The following APLP2 variants were observed in gnomAD, a reference collection of about 807,000 sequenced individuals.
APLP2 encodes amyloid beta precursor like protein 2, also known as CDEI box-binding protein.
A neutral mutation model predicts 89.9 loss-of-function variants in APLP2; 53 were observed. The ratio of observed to expected loss-of-function variants is 0.59; its 90% CI spans 0.47 to 0.74. The LOEUF is 0.74. APLP2 is among the 30% of genes least tolerant of loss of function. The pLI is 0.00. For synonymous variants in APLP2, 372 were observed against 348.6 expected (o/e 1.07, Z -0.75); for missense variants, 973 against 975.9 (o/e 1.00, Z 0.04).
intron 1 of APLP2, chr11:130,082,874 T>G (rs1943425607): frequency 6.5e-6 from 1 of 153,740 alleles, no homozygotes. Flanking sequence ...GTTTTCTTAC[T>G]GATTTATAGT....
intron 11 of APLP2, among the ~76,000 whole-genome samples, chr11:130,131,420 T>C (rs991825043): frequency 6.6e-6 from 1 of 152,132 alleles, no homozygotes; most frequent in African/African-American, 2.4e-5. Context: ...TTCTTAGATA[T>C]ACAGAGTTCA....
intron 1 of APLP2, among the ~76,000 whole-genome samples, chr11:130,083,035 T>C (rs1157786607): frequency 1.5e-5 from 2 of 131,508 alleles, no homozygotes; most frequent in Non-Finnish European, 3.2e-5. Context: ...TCTTTTTTTT[T>C]TTTTTTTTTT....
chr11:130,091,713 CG>C (rs1219604961), intron 1 of APLP2, among the ~76,000 whole-genome samples: 10 of 123,478 alleles, frequency 8.1e-5, no homozygotes, highest in Admixed American at 3.0e-4. Flanking sequence ...GCTGGCCGGG[CG>C]GGGGGCTGAC....
intron 1 of APLP2, among the ~76,000 whole-genome samples, chr11:130,092,921 A>C (rs574026761): frequency 7.3e-4 from 111 of 152,290 alleles, no homozygotes; most frequent in Admixed American, 1.6e-3. Flanking sequence ...CCTCATTTGC[A>C]GAGCAAACTC....
intron 1 of APLP2, among the ~76,000 whole-genome samples, chr11:130,092,722 A>AGGTGGAGGGGGAGG (rs1945584445): frequency 1.0e-5 from 1 of 99,012 alleles, no homozygotes. Flanking sequence ...GGGGAGGGGG[A>AGGTGGAGGGGGAGG]GGGAGAGGGA....
intron 1 of APLP2, among the ~76,000 whole-genome samples, chr11:130,093,014 T>C (rs147620231): frequency 2.0e-5 from 3 of 152,190 alleles, no homozygotes; most frequent in African/African-American, 7.2e-5. Context: ...ATGTGAGCAT[T>C]TAGCCCCCTG....
At position 130,126,916 on chromosome 11, in the gene APLP2, C is replaced by A. The variant is rs1039820607; in HGVS notation, c.1221+86C>A. The A allele has an allele frequency of 2.6e-6, 4 of 1,568,042 alleles. No homozygotes were observed. The African/African-American group carries it at 5.4e-5, about 21-fold the overall frequency. On this transcript the variant is annotated intron_variant, in intron 8 of 16. Transcript: ENST00000338167. The stretch of plus-strand genomic sequence containing the variant: ...AGCTGAAGAAAAGTAATAGCTTCTC[C>A]CTAGATTGTCATGCTGATGTATAAG...
intron 1 of APLP2, among the ~76,000 whole-genome samples, chr11:130,095,544 G>T (rs887107987): frequency 2.5e-4 from 38 of 152,316 alleles, no homozygotes; most frequent in Non-Finnish European, 3.1e-4. Flanking sequence ...AGAGCAGGTG[G>T]AAGGCCTGAT....
intron 3 of APLP2, among the ~76,000 whole-genome samples, chr11:130,116,614 G>A (rs1357559484): frequency 6.6e-6 from 1 of 151,974 alleles, no homozygotes; most frequent in Non-Finnish European, 1.5e-5. Flanking sequence ...GAGATTACAG[G>A]CATTCGCCAC....
intron 7 of APLP2, among the ~76,000 whole-genome samples, chr11:130,124,161 C>CTGAA (rs1284225129): frequency 2.6e-5 from 4 of 152,186 alleles, no homozygotes; most frequent in Non-Finnish European, 4.4e-5. Flanking sequence ...CTTAGAGGCA[C>CTGAA]TGAACATTCC....
intron 7 of APLP2, among the ~76,000 whole-genome samples, chr11:130,124,002 G>A (rs1255434731): frequency 6.6e-6 from 1 of 152,178 alleles, no homozygotes; most frequent in African/African-American, 2.4e-5. Flanking sequence ...GTGTCTGGTG[G>A]TGCTTGGTGG....
At chr11:130,137,359 T>G in intron 13 of APLP2, 1 of 1,412,466 alleles carries the variant, frequency 7.1e-7, no homozygotes, top group Non-Finnish European at 1.0e-6. Flanking sequence ...GTCCGAAGCT[T>G]CATGTTCTGT....
intron 1 of APLP2, among the ~76,000 whole-genome samples, chr11:130,102,683 A>G (rs1198612553): frequency 6.6e-6 from 1 of 152,176 alleles, no homozygotes; most frequent in Non-Finnish European, 1.5e-5. Flanking sequence ...GCATCACTTG[A>G]GGTGATTAAA....
chr11:130,076,653 C>A (rs1346605255), intron 1 of APLP2, among the ~76,000 whole-genome samples: 2 of 152,160 alleles, frequency 1.3e-5, no homozygotes, highest in African/African-American at 4.8e-5. Context: ...CTTAATTGAG[C>A]TGTCCCCACC....
At chr11:130,089,475 C>T (rs1305218144) in intron 1 of APLP2, among the ~76,000 whole-genome samples, 1 of 152,194 alleles carries the variant, frequency 6.6e-6, no homozygotes, top group Admixed American at 6.5e-5. Flanking sequence ...CTCACTGTCT[C>T]CATGTCCTCA....
At chr11:130,117,705 C>G (rs930706252) in intron 3 of APLP2, among the ~76,000 whole-genome samples, 1 of 152,148 alleles carries the variant, frequency 6.6e-6, no homozygotes, top group Admixed American at 6.5e-5. Flanking sequence ...CATACTGTAC[C>G]TGACCTTTTA....
intron 1 of APLP2, among the ~76,000 whole-genome samples, chr11:130,108,047 C>A (rs1948030524): frequency 2.0e-5 from 3 of 152,182 alleles, no homozygotes; most frequent in Admixed American, 2.0e-4. Context: ...TTCCTTACAC[C>A]TTATACAAAA....
At chr11:130,098,523 T>C (rs1369313509) in intron 1 of APLP2, among the ~76,000 whole-genome samples, 2 of 152,232 alleles carry the variant, frequency 1.3e-5, no homozygotes, top group Admixed American at 1.3e-4. Flanking sequence ...TGGTTATTCA[T>C]GTTTGTGGTT....
At chr11:130,078,099 T>C (rs1334889017) in intron 1 of APLP2, among the ~76,000 whole-genome samples, 1 of 152,214 alleles carries the variant, frequency 6.6e-6, no homozygotes, top group Non-Finnish European at 1.5e-5. Flanking sequence ...GTATCACTTT[T>C]TGTATTTCCT....
Sources: gnomAD v4.1 joint callset for allele counts (sites outside exome capture counted in the v4.1 genomes callset) on GRCh38, gnomAD v4.1.1 for gene constraint, MANE v1.5 for transcripts, NCBI Gene and HGNC (gene_info 2026-07-23, HGNC 2026-07-21) for gene names.